AFMID: variants seen among roughly 807,000 people sequenced by gnomAD.
The protein encoded by AFMID is kynurenine formamidase.
AFMID carries 39 observed loss-of-function variants against 47.5 expected under a neutral mutation model. The ratio of observed to expected loss-of-function variants is 0.82; its 90% CI spans 0.64 to 1.07. The LOEUF (loss-of-function observed/expected upper bound fraction) is 1.07, where lower values mean the gene tolerates loss of function less well. AFMID is among the 50% of genes least tolerant of loss of function. AFMID has a pLI of 0.00. For synonymous variants in AFMID, 130 were observed against 153.2 expected (o/e 0.85, Z 1.12); for missense variants, 375 against 387.5 (o/e 0.97, Z 0.27).
At chr17:78,205,258 A>C (rs1419486742) in intron 7 of AFMID, 68 bp downstream of exon 7, 1 of 1,515,064 alleles carries the variant, frequency 6.6e-7, no homozygotes, top group Non-Finnish European at 9.1e-7. Flanking sequence ...GTTTGGGCCA[A>C]CTGCTTGAAA....
chr17:78,196,151 G>C (rs1049401501), intron 2 of AFMID, among the ~76,000 whole-genome samples: 2 of 152,158 alleles, frequency 1.3e-5, no homozygotes, highest in African/African-American at 4.8e-5. Context: ...AATCACTTGA[G>C]GTCAAGAGTT....
Position 78,202,694 on chromosome 17 carries a change from G to C in AFMID, c.260-9G>C. The C allele has an allele frequency of 6.4e-7, 1 of 1,562,576 alleles. No homozygotes were observed. Among genetic ancestry groups the C allele is most frequent in the African/African-American group, 1.4e-5 (1 of 73,900 alleles). ...GCCTTGCTCACACGCCCTGTGCTTG[G>C]TTTTGCAGCCTTGCCTTTCTTCCTG... On this transcript the variant is annotated splice_polypyrimidine_tract_variant and intron_variant, in intron 3 of 10. Transcript: ENST00000409257.
rs1290225470 is a variant in AFMID at position 78,202,707 on chromosome 17, G to T, written c.264G>T (p.Leu88Phe). The T allele has an allele frequency of 3.2e-6, 5 of 1,560,554 alleles. No homozygotes were observed. In the South Asian group the frequency reaches 5.9e-5, roughly 18 times the overall value. ...GCCCTGTGCTTGGTTTTGCAGCCTT[G>T]CCTTTCTTCCTGTTCTTTCACGGAG... Reference protein sequence around the residue: ...IYFPDESSEALPFFLFFHGGY... With the variant: ...IYFPDESSEAFPFFLFFHGGY... Residue 88 changes from leucine (L) to phenylalanine (F), a missense_variant, in exon 4 of 11, where the codon TTG (leucine) becomes TTT (phenylalanine). Leu to Phe is a conservative substitution (Grantham distance 22). Transcript: ENST00000409257.
In AFMID at chr17:78,197,889, A is replaced by G. The variant is rs183494532; in HGVS notation, c.155-4610A>G. On this transcript the variant is annotated intron_variant, in intron 2 of 10. Transcript: ENST00000409257. ...ATCCCAGACTTTGGGAAACCAAAGC[A>G]GGAGGACGCTTGAGCCCAGGAGTTC... Among the ~76,000 whole-genome samples, 83 of 152,212 alleles carry G rather than the reference A, an allele frequency of 5.5e-4. 3 individuals carry two copies. Among genetic ancestry groups the G allele is most frequent in the Admixed American group, 4.2e-3 (64 of 15,264 alleles).
At chr17:78,189,678 C>G (rs1319664132) in intron 1 of AFMID, among the ~76,000 whole-genome samples, 3 of 151,522 alleles carry the variant, frequency 2.0e-5, no homozygotes, top group Admixed American at 6.6e-5. Flanking sequence ...ACCACCATGC[C>G]CGGTTGATTT....
intron 1 of AFMID, among the ~76,000 whole-genome samples, chr17:78,188,904 G>A (rs558533119): frequency 7.5e-4 from 114 of 151,980 alleles, no homozygotes; most frequent in African/African-American, 2.6e-3. Context: ...GCCAATTTTT[G>A]TATTTTTAAT....
intron 3 of AFMID, 27 bp downstream of exon 3, chr17:78,202,630 C>A: frequency 8.8e-7 from 1 of 1,132,306 alleles, no homozygotes; most frequent in East Asian, 2.5e-5. Context: ...CTGGGGGTCC[C>A]GGGGCTTGGG....
intron 4 of AFMID, 61 bp downstream of exon 4, chr17:78,202,812 CT>C (rs1267581950): frequency 3.9e-6 from 6 of 1,534,194 alleles, no homozygotes; most frequent in Non-Finnish European, 3.5e-6. Context: ...TGGGGGACTC[CT>C]CCTCCAGGGC....
At chr17:78,195,518 T>G (rs896187490) in intron 2 of AFMID, among the ~76,000 whole-genome samples, 8 of 149,930 alleles carry the variant, frequency 5.3e-5, no homozygotes, top group South Asian at 4.2e-4. Context: ...TTTTTTTTTT[T>G]TGGGGCGGAG....
chr17:78,206,242 G>C (rs2076377298), intron 10 of AFMID, among the ~76,000 whole-genome samples, 192 bp downstream of exon 10: 1 of 151,624 alleles, frequency 6.6e-6, no homozygotes, highest in South Asian at 2.1e-4. Context: ...AGGAGGCTGA[G>C]GCATGAGAAT....
intron 2 of AFMID, among the ~76,000 whole-genome samples, chr17:78,198,470 T>C (rs1253082272): frequency 6.7e-6 from 1 of 149,980 alleles, no homozygotes; most frequent in African/African-American, 2.5e-5. Context: ...TAGCCATGCA[T>C]GGTGGTGCGT....
chr17:78,192,106 C>T (rs1240789491), intron 2 of AFMID, among the ~76,000 whole-genome samples: 1 of 151,886 alleles, frequency 6.6e-6, no homozygotes, highest in East Asian at 1.9e-4. Context: ...TCAAGTGCTT[C>T]TCCTGCCTCA....
In AFMID at chr17:78,202,587, CG is replaced by C; in HGVS notation, c.244del (p.Asp82ThrfsTer33). The C allele has an allele frequency of 6.2e-7, 1 of 1,614,000 alleles. No individual in the cohort carries two copies. Among genetic ancestry groups the C allele is most frequent in the Non-Finnish European group, 8.5e-7 (1 of 1,180,010 alleles). On this transcript the variant is annotated frameshift_variant, in exon 3 of 11. Transcript: ENST00000409257. LOFTEE classifies it high-confidence loss of function. ...GGGAGAAAGTGGACATTTACTTCCC[CG>C]ACGAGTCGTCTGAAGGTTGTCGGTG... is the stretch of plus-strand genomic sequence containing the variant. ...EGEKVDIYFPDESSEALPFFL... is the reference protein window; with the variant it reads ...EGEKVDIYFPXESSEALPFFL...
chr17:78,201,937 A>G (rs1385367004), intron 2 of AFMID, among the ~76,000 whole-genome samples: 3 of 151,560 alleles, frequency 2.0e-5, no homozygotes, highest in Admixed American at 6.6e-5. Flanking sequence ...TCACCATGTT[A>G]GCCAGGGTGG....
chr17:78,203,058 T>C (rs934318155), intron 4 of AFMID: 692 of 128,282 alleles, frequency 5.4e-3, no homozygotes, highest in African/African-American at 0.015. Flanking sequence ...CCTCTCTCTT[T>C]TTTTTTTTTT....
Position 78,191,035 on chromosome 17 carries a change from G to C in AFMID, c.129G>C (p.Arg43Ser). ...VVRLGAEEAL[R>S]TYSQIGIEAT... ...GACTGGGAGCAGAGGAAGCCTTGAG[G>C]ACCTACTCACAGATAGGAATTGAAG... Residue 43 changes from arginine to serine, a missense_variant, in exon 2 of 11, where the codon AGG (arginine) becomes AGC (serine). Arg to Ser is a moderately radical substitution (Grantham distance 110, BLOSUM62 -1). Transcript: ENST00000409257. 1 of 1,614,084 alleles carries C rather than the reference G, an allele frequency of 6.2e-7. No individual in the cohort carries two copies. The highest frequency in any genetic ancestry group is 8.5e-7 in the Non-Finnish European group (1 of 1,180,016).
In AFMID at chr17:78,207,577, C is replaced by G. The variant is rs922409741; in HGVS notation, c.*640C>G. 2.0e-5 allele frequency: 3 copies of G among 152,170 alleles called. No individual in the cohort carries two copies. The highest frequency in any genetic ancestry group is 6.5e-5 in the Admixed American group (1 of 15,274). The allele number at this position is 152,170 out of a possible 1,614,324, so 9.4% of individuals were successfully genotyped here. On this transcript the variant is annotated 3_prime_UTR_variant, in exon 11 of 11. Transcript: ENST00000409257. ...GATTCCAGGCGTGAGCCACTGCGCC[C>G]GGCCAGAATGGCATTATATTTAAAT...
chr17:78,207,201 T>G lies in AFMID; in HGVS notation c.*264T>G, dbSNP rs2076404492. ...CTCAGAGATGCCCGGAGCTGCCTCT[T>G]AGACTCGTCTGGCCCATCTACCTGC... On this transcript the variant is annotated 3_prime_UTR_variant, in exon 11 of 11. Transcript: ENST00000409257. 1.8e-6 allele frequency: 1 copy of G among 545,090 alleles called. No individual in the cohort carries two copies. Among genetic ancestry groups the G allele is most frequent in the South Asian group, 2.4e-5 (1 of 42,428 alleles). The allele number at this position is 545,090 out of a possible 1,614,324, so 33.8% of individuals were successfully genotyped here.
At chr17:78,189,820 T>C (rs1193067870) in intron 1 of AFMID, among the ~76,000 whole-genome samples, 3 of 148,346 alleles carry the variant, frequency 2.0e-5, no homozygotes, top group Middle Eastern at 7.1e-3. Context: ...GTGTCCAGCA[T>C]TTTCTGTTGG....
Sources: gnomAD v4.1 joint callset for allele counts (sites outside exome capture counted in the v4.1 genomes callset) on GRCh38, gnomAD v4.1.1 for gene constraint, MANE v1.5 for transcripts, NCBI Gene and HGNC (gene_info 2026-07-23, HGNC 2026-07-21) for gene names.